Variants in TBCCD1 observed in about 807,000 individuals in gnomAD.
The protein encoded by TBCCD1 is TBCC domain containing 1, also known as TBCC domain-containing protein 1.
A neutral mutation model predicts 53.4 loss-of-function variants in TBCCD1; 26 were observed. That is an observed-to-expected ratio of 0.49 (90% confidence interval 0.36 to 0.68). The LOEUF is 0.68. Ranked by LOEUF, TBCCD1 falls within the 30% of genes least tolerant of loss-of-function variation. The probability of loss-of-function intolerance (pLI) is 0.00; values close to 1 mark genes in which losing one functional copy is unlikely to be tolerated. For missense variants in TBCCD1, 558 were observed against 669.5 expected, an observed-to-expected ratio of 0.83 and a Z score of 1.84; for synonymous variants, 245 against 241.7, an observed-to-expected ratio of 1.01 and a Z score of -0.13.
upstream of TBCCD1, among the ~76,000 whole-genome samples, chr3:186,568,893 ACT>A (rs780576976): frequency 3.5e-5 from 5 of 144,434 alleles, no homozygotes; most frequent in Non-Finnish European, 7.4e-5. Context: ...ACAGAGCGAG[ACT>A]CTGTCTCAGG....
At position 186,556,515 on chromosome 3, in the gene TBCCD1, G is replaced by C. The variant is rs143443442; in HGVS notation, c.753C>G (p.Phe251Leu). The C allele has an allele frequency of 2.6e-4, 420 of 1,610,468 alleles. 1 individual carries two copies. Among genetic ancestry groups the C allele is most frequent in the Non-Finnish European group, 2.6e-4 (308 of 1,179,248 alleles). Residue 251 changes from phenylalanine to leucine, a missense_variant, in exon 4 of 8, where the codon TTC becomes TTG. Coordinates refer to ENST00000338733, the MANE Select transcript of TBCCD1 (RefSeq NM_018138.5). ...DSGFSKISKT[F>L]SFYKLETWLR... ...ACCAGGTTTCCAGTTTGTAGAAAGA[G>C]AAAGTCTTAGAGATCTTTGAGAAGC...
At chr3:186,570,351 C>A, upstream of TBCCD1, 1 of 515,368 alleles carries the variant, frequency 1.9e-6, no homozygotes, top group Non-Finnish European at 3.5e-6. Context: ...GAGAAAACTT[C>A]TCTCCCACAA....
chr3:186,554,304 T>C lies in TBCCD1; in HGVS notation c.1494A>G (p.Glu498=). 6.2e-7 allele frequency: 1 copy of C among 1,614,194 alleles called. No homozygotes were observed. ...SVYQKALGQR[E]QKIQIWQKTV... is the part of the protein sequence containing the mutation. ...TTTTCTGCCAGATCTGTATCTTCTG[T>C]TCTCTTTGACCCAGTGCTTTCTGAT... The change falls in exon 6 of 8, where the codon GAA becomes GAG. Residue 498 remains glutamate, a synonymous_variant. Coordinates refer to ENST00000338733, the MANE Select transcript of TBCCD1 (RefSeq NM_018138.5).
rs562201703 is a variant in TBCCD1, at chr3:186,547,045, T to C, written c.*22-90A>G. The C allele has an allele frequency of 3.3e-5, 5 of 152,246 alleles. No individual in the cohort carries two copies. In the South Asian group the frequency reaches 1.0e-3, roughly 32 times the overall value. The allele number at this position is 152,246 out of a possible 1,614,324, so 9.4% of individuals were successfully genotyped here. A position where few individuals can be genotyped will look rare whatever the true frequency, so the allele number is the denominator to read the frequency against. On this transcript the variant is annotated intron_variant, in intron 7 of 7. Coordinates refer to ENST00000338733, the MANE Select transcript of TBCCD1 (RefSeq NM_018138.5). ...AAAACTCTACGTTTAAAAAATCACA[T>C]AAATTATCAAGGTCAAATGATAGAT... is the stretch of plus-strand genomic sequence containing the variant.
rs370595056 is a variant in TBCCD1, at chr3:186,556,516, A to G, written c.752T>C (p.Phe251Ser). ...DSGFSKISKT[F>S]SFYKLETWLR... ...CCAGGTTTCCAGTTTGTAGAAAGAG[A>G]AAGTCTTAGAGATCTTTGAGAAGCC... Residue 251 changes from phenylalanine to serine, a missense_variant, in exon 4 of 8, where the codon TTC becomes TCC. Phe to Ser is a radical substitution (Grantham distance 155, BLOSUM62 -2). Coordinates refer to ENST00000338733, the MANE Select transcript of TBCCD1 (RefSeq NM_018138.5). The G allele has an allele frequency of 8.1e-6, 13 of 1,610,390 alleles. No homozygotes were observed. The African/African-American group carries it at 1.5e-4, about 18-fold the overall frequency.
At chr3:186,562,644 G>C (rs1297534871) in intron 2 of TBCCD1, among the ~76,000 whole-genome samples, 1 of 151,430 alleles carries the variant, frequency 6.6e-6, no homozygotes, top group Admixed American at 6.6e-5. Context: ...ATTACATGTT[G>C]TATACTTAAA....
chr3:186,567,610 G>A (rs1714880009), upstream of TBCCD1: 1 of 152,236 alleles, frequency 6.6e-6, no homozygotes, highest in Admixed American at 6.5e-5. Flanking sequence ...AGATCAGCAC[G>A]CTTTCATCAG....
Position 186,559,953 on chromosome 3 carries a change from T to G in TBCCD1, c.337-1381A>C, listed in dbSNP as rs1231285218. Among the ~76,000 whole-genome samples, 3 of 152,230 alleles carry G rather than the reference T, an allele frequency of 2.0e-5. No homozygotes were observed. The East Asian group carries it at 5.8e-4, about 29-fold the overall frequency. On this transcript the variant is annotated intron_variant, in intron 2 of 7. Transcript: ENST00000338733. ...GTCCCACTCACCCCTTCTTAGGCCCTTAGCAACCACTTACTTGTTCTCCAT... is the reference window on the plus strand; with the variant it reads ...GTCCCACTCACCCCTTCTTAGGCCCGTAGCAACCACTTACTTGTTCTCCAT...
Position 186,564,182 on chromosome 3 carries a change from G to A in TBCCD1, c.148C>T (p.Pro50Ser). ...VQIRATEGAY[P>S]RLYWSTWRHI... ...CTCCATGTAGACCAGTAGAGGCGCG[G>A]GTAAGCTCCTTCTGTGGCCCGGATT... Residue 50 changes from proline to serine, a missense_variant, in exon 2 of 8, where the codon CCG becomes TCG. Pro to Ser is a moderately conservative substitution (Grantham distance 74). Coordinates refer to ENST00000338733, the MANE Select transcript of TBCCD1 (RefSeq NM_018138.5). 1.9e-6 allele frequency: 3 copies of A among 1,614,160 alleles called. No individual in the cohort carries two copies. Among genetic ancestry groups the A allele is most frequent in the Non-Finnish European group, 2.5e-6 (3 of 1,180,020 alleles).
At chr3:186,570,327 G>A (rs2108470375), upstream of TBCCD1, 3 of 535,072 alleles carry the variant, frequency 5.6e-6, no homozygotes, top group Non-Finnish European at 1.0e-5. Flanking sequence ...ATGAAATTCC[G>A]GGCTTGTAGC....
At chr3:186,562,496 A>G (rs1271244680) in intron 2 of TBCCD1, among the ~76,000 whole-genome samples, 1 of 152,214 alleles carries the variant, frequency 6.6e-6, no homozygotes, top group Non-Finnish European at 1.5e-5. Flanking sequence ...ACTCATAAAA[A>G]CAGACAGAAG....
At position 186,555,047 on chromosome 3, in the gene TBCCD1, A is replaced by G. The variant is rs914457904; in HGVS notation, c.897T>C (p.Asn299=). The part of the protein sequence containing the change: ...GTTKRAKIAC[N]THVAPRMHRL... Reference sequence around the variant, plus strand: ...GGTGCATCCTAGGGGCCACATGAGTATTACAAGCAATCTTAGCTCTTTTGG... The same window carrying G: ...GGTGCATCCTAGGGGCCACATGAGTGTTACAAGCAATCTTAGCTCTTTTGG... The change falls in exon 5 of 8, where the codon AAT becomes AAC. Residue 299 remains asparagine, a synonymous_variant. Transcript: ENST00000338733. 6.2e-7 allele frequency: 1 copy of G among 1,610,924 alleles called. No homozygotes were observed. The highest frequency in any genetic ancestry group is 8.5e-7 in the Non-Finnish European group (1 of 1,178,960).
intron 2 of TBCCD1, among the ~76,000 whole-genome samples, 153 bp from the exon 3 acceptor site, chr3:186,558,725 C>A (rs1714611377): frequency 6.6e-6 from 1 of 152,052 alleles, no homozygotes; most frequent in Non-Finnish European, 1.5e-5. Context: ...TCTCTGGTAC[C>A]CAGATGTAAG....
upstream of TBCCD1, chr3:186,570,238 C>T: frequency 3.2e-6 from 2 of 622,530 alleles, no homozygotes. Context: ...GTCTGATGTA[C>T]ACCTGTCGTG....
chr3:186,559,714 T>A (rs1233115689), intron 2 of TBCCD1, among the ~76,000 whole-genome samples: 1 of 152,248 alleles, frequency 6.6e-6, no homozygotes, highest in Non-Finnish European at 1.5e-5. Context: ...TATAAATTTT[T>A]ACTTTCTTAA....
At chr3:186,564,495 G>T in intron 1 of TBCCD1, 123 bp from the exon 2 acceptor site, 1 of 609,972 alleles carries the variant, frequency 1.6e-6, no homozygotes, top group East Asian at 3.0e-5. Flanking sequence ...TTAAAAGGCA[G>T]CTCTAGTTCA....
intron 2 of TBCCD1, among the ~76,000 whole-genome samples, chr3:186,561,215 T>C (rs768205895): frequency 7.9e-5 from 12 of 152,152 alleles, no homozygotes; most frequent in Non-Finnish European, 1.5e-4. Context: ...ATCGAAAATA[T>C]ATAATGAACT....
rs748650186 is a variant in TBCCD1, at chr3:186,554,992, G to T, written c.952C>A (p.Gln318Lys). ...RLVVMSQVYK[Q>K]TLAKSSDTLA... Reference sequence around the variant, plus strand: ...GTGTCTGAGCTCTTAGCCAGTGTCTGCTTGTAAACCTGGCTCATCACTACC... The same window carrying T: ...GTGTCTGAGCTCTTAGCCAGTGTCTTCTTGTAAACCTGGCTCATCACTACC... The change falls in exon 5 of 8, where the codon CAG becomes AAG. Residue 318 changes from glutamine to lysine, a missense_variant. Transcript: ENST00000338733. 1.9e-6 allele frequency: 3 copies of T among 1,613,892 alleles called. No individual in the cohort carries two copies. Among genetic ancestry groups the T allele is most frequent in the Non-Finnish European group, 2.5e-6 (3 of 1,180,032 alleles).
chr3:186,552,882 G>GT (rs1338745404), intron 6 of TBCCD1, among the ~76,000 whole-genome samples: 3 of 152,172 alleles, frequency 2.0e-5, no homozygotes, highest in African/African-American at 7.2e-5. Context: ...TTAAGTAATA[G>GT]TAAGATGACT....
Sources: allele counts gnomAD v4.1 joint callset (sites outside exome capture counted in the v4.1 genomes callset), GRCh38; gene constraint gnomAD v4.1.1; transcripts MANE v1.5; gene names NCBI Gene and HGNC (gene_info 2026-07-23, HGNC 2026-07-21).